SYNPR: variants seen among roughly 807,000 people sequenced by gnomAD.
The protein encoded by SYNPR is synaptoporin.
Under a neutral mutation model 32.9 loss-of-function variants are expected in SYNPR, and 23 were observed. That is an observed-to-expected ratio of 0.70 (90% CI 0.50 to 0.99). The LOEUF (loss-of-function observed/expected upper bound fraction) is 0.99, where lower values mean the gene tolerates loss of function less well. Among genes scored for constraint, SYNPR ranks in the 50% least tolerant of loss-of-function variants. The pLI is 0.00. For synonymous variants in SYNPR, 146 were observed against 135.9 expected (o/e 1.07, Z -0.52); for missense variants, 318 against 349.3 (o/e 0.91, Z 0.71).
intron 2 of SYNPR, among the ~76,000 whole-genome samples, chr3:63,437,018 A>G (rs1318335835): frequency 2.6e-5 from 4 of 152,240 alleles, no homozygotes; most frequent in South Asian, 4.1e-4. Flanking sequence ...CTGGGATTAC[A>G]GGCACCTGCC....
At chr3:63,226,132 T>C (rs541195237), upstream of SYNPR, among the ~76,000 whole-genome samples, 63 of 152,074 alleles carry the variant, frequency 4.1e-4, no homozygotes, top group African/African-American at 1.5e-3. Flanking sequence ...CAAATCCAAA[T>C]CACGATGAAA....
At chr3:63,232,347 A>G (rs2086173141) in intron 1 of SYNPR, among the ~76,000 whole-genome samples, 1 of 151,662 alleles carries the variant, frequency 6.6e-6, no homozygotes, top group Non-Finnish European at 1.5e-5. Flanking sequence ...GATTACAGGT[A>G]TGCACCACCA....
chr3:63,334,515 A>AGTGTGTGTGT lies in SYNPR; in HGVS notation c.84+55807_84+55816dup, dbSNP rs138498529. ...AATTTCCAGGCAGTTGTCTCAATGAAGTGTGTGTGTGTGTGTGTGTGTGTG... is the reference window on the plus strand; with the variant it reads ...AATTTCCAGGCAGTTGTCTCAATGAAGTGTGTGTGTGTGTGTGTGTGTGTGTGTGTGTGTG... On this transcript the variant is annotated intron_variant, in intron 2 of 5. Transcript: ENST00000478300. 1.3e-3 allele frequency among the ~76,000 whole-genome samples: 193 copies of AGTGTGTGTGT among 149,396 alleles called. 1 individual carries two copies. The highest frequency in any genetic ancestry group is 2.0e-3 in the Non-Finnish European group (137 of 67,526).
intron 3 of SYNPR, among the ~76,000 whole-genome samples, chr3:63,273,198 T>C (rs1364634267): frequency 6.6e-6 from 1 of 152,196 alleles, no homozygotes; most frequent in Non-Finnish European, 1.5e-5. Flanking sequence ...AAAATATTTT[T>C]GCCTAAAGCT....
chr3:63,318,970 C>T (rs951977471), intron 2 of SYNPR, among the ~76,000 whole-genome samples: 3 of 151,982 alleles, frequency 2.0e-5, no homozygotes, highest in Non-Finnish European at 2.9e-5. Flanking sequence ...GTAGTACTCT[C>T]CCCCTTTCCT....
chr3:63,529,391 G>A (rs1209237994), intron 3 of SYNPR, among the ~76,000 whole-genome samples: 1 of 152,192 alleles, frequency 6.6e-6, no homozygotes, highest in Non-Finnish European at 1.5e-5. Flanking sequence ...TGGGGTGGGT[G>A]TTTCTGAATA....
the SYNPR span, among the ~76,000 whole-genome samples, chr3:63,209,851 TCTC>T: frequency 6.6e-6 from 1 of 152,184 alleles, no homozygotes; most frequent in East Asian, 1.9e-4. Flanking sequence ...TTAGCATCTG[TCTC>T]CTCTAAAGAT....
intron 2 of SYNPR, among the ~76,000 whole-genome samples, chr3:63,336,834 T>C (rs531383459): frequency 1.3e-5 from 2 of 152,268 alleles, no homozygotes; most frequent in East Asian, 3.9e-4. Flanking sequence ...CAAGAAAATA[T>C]TTGTAAAACA....
intron 2 of SYNPR, among the ~76,000 whole-genome samples, chr3:63,263,797 G>A (rs1575579898): frequency 6.6e-6 from 1 of 152,146 alleles, no homozygotes; most frequent in South Asian, 2.1e-4. Context: ...GCAAGTGGGA[G>A]CTGCCATTTC....
chr3:63,440,360 G>C (rs1467700901), intron 2 of SYNPR, among the ~76,000 whole-genome samples: 1 of 152,186 alleles, frequency 6.6e-6, no homozygotes, highest in African/African-American at 2.4e-5. Context: ...AAATGCATGG[G>C]AAAGGGTTTG....
intron 4 of SYNPR, among the ~76,000 whole-genome samples, chr3:63,593,153 C>T (rs979909218): frequency 6.6e-6 from 1 of 152,014 alleles, no homozygotes; most frequent in Non-Finnish European, 1.5e-5. Flanking sequence ...GCACCTGACC[C>T]ATAGTAAACA....
At chr3:63,581,925 A>C (rs1003493559) in intron 4 of SYNPR, among the ~76,000 whole-genome samples, 3 of 152,156 alleles carry the variant, frequency 2.0e-5, no homozygotes, top group Non-Finnish European at 2.9e-5. Flanking sequence ...AATTACTTTA[A>C]CAGGTACCAT....
At chr3:63,289,859 G>A (rs1157282045) in intron 2 of SYNPR, among the ~76,000 whole-genome samples, 5 of 152,054 alleles carry the variant, frequency 3.3e-5, no homozygotes, top group South Asian at 2.1e-4. Flanking sequence ...AGCCGGGCGC[G>A]GTGTCTCACG....
intron 4 of SYNPR, among the ~76,000 whole-genome samples, chr3:63,578,769 A>G (rs1703037184): frequency 6.6e-6 from 1 of 152,132 alleles, no homozygotes; most frequent in Non-Finnish European, 1.5e-5. Flanking sequence ...ATCTCAATGA[A>G]ATAGCCATCC....
chr3:63,412,238 G>A (rs572004200), intron 2 of SYNPR, among the ~76,000 whole-genome samples: 157 of 152,250 alleles, frequency 1.0e-3, no homozygotes, highest in African/African-American at 3.5e-3. Context: ...GCTGAGACTG[G>A]GGTGTCTCTG....
chr3:63,448,469 C>CA (rs1700320031), intron 2 of SYNPR, among the ~76,000 whole-genome samples: 1 of 152,146 alleles, frequency 6.6e-6, no homozygotes, highest in Non-Finnish European at 1.5e-5. Context: ...CTTAAGTCAC[C>CA]ATATTGACAT....
chr3:63,602,704 T>A (rs1358605124), intron 4 of SYNPR, among the ~76,000 whole-genome samples: 1 of 152,226 alleles, frequency 6.6e-6, no homozygotes, highest in Non-Finnish European at 1.5e-5. Flanking sequence ...CATTGGTTTA[T>A]GTGTCTGTTT....
intron 3 of SYNPR, among the ~76,000 whole-genome samples, chr3:63,268,769 C>G (rs2086511425): frequency 6.6e-6 from 1 of 152,066 alleles, no homozygotes; most frequent in South Asian, 2.1e-4. Flanking sequence ...CCATGTTACT[C>G]AAGGATCAAC....
chr3:63,508,794 A>G (rs1405134216), intron 3 of SYNPR, among the ~76,000 whole-genome samples: 1 of 152,100 alleles, frequency 6.6e-6, no homozygotes. Flanking sequence ...TGCAGAAACA[A>G]TCCCACCCAC....
Sources: allele counts gnomAD v4.1 joint callset (sites outside exome capture counted in the v4.1 genomes callset), GRCh38; gene constraint gnomAD v4.1.1; transcripts MANE v1.5; gene names NCBI Gene and HGNC (gene_info 2026-07-23, HGNC 2026-07-21).